Variants in ELAVL3 observed in about 807,000 individuals in gnomAD.
ELAVL3 encodes ELAV-like protein 3.
ELAVL3 carries 8 observed loss-of-function variants against 34.2 expected under a neutral mutation model. The observed-to-expected ratio is 0.23, with a 90% CI of 0.14 to 0.42. The LOEUF is 0.42. Ranked by LOEUF, ELAVL3 falls within the 10% of genes least tolerant of loss-of-function variation. The pLI is 1.00. For missense variants in ELAVL3, 273 were observed against 518.8 expected, an observed-to-expected ratio of 0.53 and a Z score of 4.60; for synonymous variants, 209 against 222.1, an observed-to-expected ratio of 0.94 and a Z score of 0.53.
rs548347456 is a variant in ELAVL3 at position 11,465,657 on chromosome 19, G to C, written c.333+515C>G. Reference sequence around the variant, plus strand: ...CAGGGCGGAGCCCAAACACCCCCAGGCGAACCCAGAGAGGGGGGTTTCCAT... The same window carrying C: ...CAGGGCGGAGCCCAAACACCCCCAGCCGAACCCAGAGAGGGGGGTTTCCAT... On this transcript the variant is annotated intron_variant, in intron 3 of 6. Coordinates refer to ENST00000359227, the MANE Select transcript of ELAVL3 (RefSeq NM_001420.4). Among the ~76,000 whole-genome samples the C allele has an allele frequency of 2.2e-4, 33 of 152,270 alleles. No individual in the cohort carries two copies. In the South Asian group the frequency reaches 5.6e-3, roughly 26 times the overall value.
chr19:11,469,086 CT>C (rs972356753), intron 1 of ELAVL3, among the ~76,000 whole-genome samples: 7 of 151,438 alleles, frequency 4.6e-5, no homozygotes, highest in Admixed American at 1.3e-4. Flanking sequence ...AGCCTGGCTA[CT>C]TTTTTTTTCT....
chr19:11,465,300 ACACACAC>A (rs1455757411), intron 3 of ELAVL3, among the ~76,000 whole-genome samples: 123 of 149,016 alleles, frequency 8.3e-4, no homozygotes, highest in African/African-American at 2.5e-3. Flanking sequence ...CACCACACAC[ACACACAC>A]CACACACATA....
intron 1 of ELAVL3, among the ~76,000 whole-genome samples, chr19:11,471,719 G>A (rs1971168483): frequency 6.6e-6 from 1 of 151,800 alleles, no homozygotes; most frequent in Non-Finnish European, 1.5e-5. Flanking sequence ...CTCCCAAAGT[G>A]TTGGGATTAC....
intron 1 of ELAVL3, among the ~76,000 whole-genome samples, chr19:11,467,323 G>A (rs1160761862): frequency 1.3e-5 from 2 of 151,924 alleles, no homozygotes; most frequent in Non-Finnish European, 2.9e-5. Flanking sequence ...TCGGGAGGCT[G>A]AGGCAGGAGA....
At chr19:11,474,313 G>T (rs1015601890) in intron 1 of ELAVL3, among the ~76,000 whole-genome samples, 5 of 152,078 alleles carry the variant, frequency 3.3e-5, no homozygotes, top group Non-Finnish European at 7.4e-5. Context: ...GGATTCAGTT[G>T]TAGCCAGGCA....
chr19:11,469,151 C>T (rs1971114204), intron 1 of ELAVL3, among the ~76,000 whole-genome samples: 1 of 152,142 alleles, frequency 6.6e-6, no homozygotes, highest in Admixed American at 6.5e-5. Flanking sequence ...TGGTCTCGAA[C>T]TCCTGGGCTC....
In ELAVL3 at chr19:11,454,790, C is replaced by A. The variant is rs561675701; in HGVS notation, c.840G>T (p.Ala280=). ...LAGVGLSGGA[A]GAGWCIFVYN... ...ACACGAAGATGCACCAGCCGGCGCCCGCCGCGCCCCCCGACAGGCCCACGC... is the reference window on the plus strand; with the variant it reads ...ACACGAAGATGCACCAGCCGGCGCCAGCCGCGCCCCCCGACAGGCCCACGC... The change falls in exon 7 of 7, where the codon GCG becomes GCT. Residue 280 remains alanine (A), a synonymous_variant. Transcript: ENST00000359227. The surrounding 1 kb of genome is among the most constrained non-coding windows in gnomAD (Gnocchi z 9.2). 176 of 1,612,776 alleles carry A rather than the reference C, an allele frequency of 1.1e-4. No individual in the cohort carries two copies. Among genetic ancestry groups the A allele is most frequent in the Non-Finnish European group, 1.4e-4 (170 of 1,179,792 alleles).
At chr19:11,477,173 G>A (rs907054998) in intron 1 of ELAVL3, among the ~76,000 whole-genome samples, 1 of 152,186 alleles carries the variant, frequency 6.6e-6, no homozygotes, top group Non-Finnish European at 1.5e-5. Context: ...TGATAGTTAG[G>A]TCACCTCTCT....
In ELAVL3 at chr19:11,454,197, G is replaced by C; in HGVS notation, c.*329C>G. On this transcript the variant is annotated 3_prime_UTR_variant, in exon 7 of 7. Transcript: ENST00000359227. The surrounding 1 kb of genome is among the most constrained non-coding windows in gnomAD (Gnocchi z 9.2). ...CCCATCGGGGGTGGTCGAGGGTGGG[G>C]GTGGGGGCACATCTCTGCATTCTTT... The C allele has an allele frequency of 4.0e-6, 1 of 248,886 alleles. No homozygotes were observed. The highest frequency in any genetic ancestry group is 7.8e-6 in the Non-Finnish European group (1 of 128,228). The allele number at this position is 248,886 out of a possible 1,614,324, so 15.4% of individuals were successfully genotyped here.
chr19:11,477,980 G>T (rs1186468034), intron 1 of ELAVL3, among the ~76,000 whole-genome samples: 1 of 152,080 alleles, frequency 6.6e-6, no homozygotes, highest in Non-Finnish European at 1.5e-5. Context: ...ATGAGCCACC[G>T]TGCTAGATCC....
At chr19:11,457,218 G>GCCCACCCCCC in intron 5 of ELAVL3, 70 bp from the exon 6 acceptor site, 1 of 1,468,680 alleles carries the variant, frequency 6.8e-7, no homozygotes, top group Non-Finnish European at 9.1e-7. Context: ...CCGTCGGCCT[G>GCCCACCCCCC]CCCTCCCCAC....
chr19:11,463,379 G>T (rs919828911), intron 3 of ELAVL3, among the ~76,000 whole-genome samples: 1 of 152,270 alleles, frequency 6.6e-6, no homozygotes, highest in Admixed American at 6.5e-5. Context: ...GTGCCGCCCC[G>T]CTGCACAGCC....
intron 1 of ELAVL3, among the ~76,000 whole-genome samples, chr19:11,469,401 C>T (rs1401998950): frequency 6.6e-6 from 1 of 152,178 alleles, no homozygotes; most frequent in Non-Finnish European, 1.5e-5. Flanking sequence ...CTGCCTTAGC[C>T]TCCTGAGTAG....
chr19:11,475,103 G>A (rs1198995926), intron 1 of ELAVL3, among the ~76,000 whole-genome samples: 4 of 152,134 alleles, frequency 2.6e-5, no homozygotes, highest in African/African-American at 9.7e-5. Flanking sequence ...GGGATTACAG[G>A]CATGAGCCAC....
chr19:11,457,195 C>G, intron 5 of ELAVL3, 47 bp from the exon 6 acceptor site: 1 of 1,531,508 alleles, frequency 6.5e-7, no homozygotes. Flanking sequence ...AGTCACGCCC[C>G]CCTGCTGTGA....
At chr19:11,461,680 C>G (rs916244491) in intron 3 of ELAVL3, among the ~76,000 whole-genome samples, 1 of 152,020 alleles carries the variant, frequency 6.6e-6, no homozygotes, top group Admixed American at 6.6e-5. Flanking sequence ...TCACCACAGC[C>G]TTGACCCCCC....
chr19:11,476,891 T>C (rs1378004351), intron 1 of ELAVL3, among the ~76,000 whole-genome samples: 1 of 151,364 alleles, frequency 6.6e-6, no homozygotes, highest in Non-Finnish European at 1.5e-5. Context: ...AGAGAAAGAC[T>C]CTGTCTCAAA....
At chr19:11,456,840 A>C (rs1970778636) in intron 6 of ELAVL3, among the ~76,000 whole-genome samples, 1 of 151,972 alleles carries the variant, frequency 6.6e-6, no homozygotes, top group African/African-American at 2.4e-5. Flanking sequence ...ATCCTTAAAA[A>C]AAAATTGTAG....
chr19:11,479,283 G>A (rs1971322503), intron 1 of ELAVL3, among the ~76,000 whole-genome samples: 1 of 152,164 alleles, frequency 6.6e-6, no homozygotes, highest in African/African-American at 2.4e-5. Flanking sequence ...CAGGCCTCCG[G>A]GACCTCATTT....
Sources: gnomAD v4.1 joint callset for allele counts (sites outside exome capture counted in the v4.1 genomes callset) on GRCh38, gnomAD v4.1.1 for gene constraint, Gnocchi (gnomAD v3.1) non-coding constraint, MANE v1.5 for transcripts, NCBI Gene and HGNC (gene_info 2026-07-23, HGNC 2026-07-21) for gene names.